LRRTM4: variants seen among roughly 807,000 people sequenced by gnomAD.
LRRTM4 encodes leucine-rich repeat transmembrane neuronal protein 4.
Under a neutral mutation model 47.6 loss-of-function variants are expected in LRRTM4, and 25 were observed. The observed-to-expected ratio is 0.53, with a 90% CI of 0.38 to 0.73. The LOEUF is 0.73. Ranked by LOEUF, LRRTM4 falls within the 30% of genes least tolerant of loss-of-function variation. The pLI, the probability that LRRTM4 is intolerant of heterozygous loss-of-function variation, is 0.00. For synonymous variants in LRRTM4, 311 were observed against 269.5 expected, an observed-to-expected ratio of 1.15 and a Z score of -1.51; for missense variants, 638 against 713.4, an observed-to-expected ratio of 0.89 and a Z score of 1.20.
chr2:76,977,849 T>G (rs1156906125), intron 3 of LRRTM4, among the ~76,000 whole-genome samples: 1 of 152,020 alleles, frequency 6.6e-6, no homozygotes, highest in Non-Finnish European at 1.5e-5. Flanking sequence ...CAAATACGGA[T>G]TAGGGCATAA....
intron 3 of LRRTM4, among the ~76,000 whole-genome samples, chr2:76,866,434 C>T (rs1018974115): frequency 1.4e-4 from 22 of 152,068 alleles, no homozygotes; most frequent in African/African-American, 5.1e-4. Context: ...CCTTATGACT[C>T]GGCAAGGAGC....
intron 3 of LRRTM4, among the ~76,000 whole-genome samples, chr2:76,954,115 A>G (rs543908518): frequency 2.6e-4 from 40 of 151,910 alleles, no homozygotes; most frequent in African/African-American, 8.4e-4. Flanking sequence ...GTCCATAAAG[A>G]CTCAGAGAGG....
chr2:76,996,376 G>A (rs1431972664), intron 3 of LRRTM4, among the ~76,000 whole-genome samples: 1 of 152,046 alleles, frequency 6.6e-6, no homozygotes, highest in Non-Finnish European at 1.5e-5. Context: ...GTGTCAATCT[G>A]CATAATTTTG....
intron 3 of LRRTM4, among the ~76,000 whole-genome samples, chr2:76,950,773 A>G (rs113644480): frequency 2.0e-5 from 3 of 152,030 alleles, no homozygotes; most frequent in African/African-American, 7.2e-5. Flanking sequence ...CAGATACTCA[A>G]GAGCAGTTGT....
chr2:76,896,454 A>C (rs1573273637), intron 3 of LRRTM4, among the ~76,000 whole-genome samples: 1 of 152,004 alleles, frequency 6.6e-6, no homozygotes, highest in Non-Finnish European at 1.5e-5. Context: ...ATTTTGTCCT[A>C]TTCTATGAAA....
intron 3 of LRRTM4, among the ~76,000 whole-genome samples, chr2:77,105,013 G>A (rs1296988185): frequency 2.6e-5 from 4 of 151,464 alleles, no homozygotes; most frequent in Non-Finnish European, 5.9e-5. Context: ...CCCCAATAAC[G>A]TTTGAGAATT....
At chr2:77,481,283 C>A (rs552303627) in intron 3 of LRRTM4, among the ~76,000 whole-genome samples, 2 of 152,248 alleles carry the variant, frequency 1.3e-5, no homozygotes, top group South Asian at 4.1e-4. Flanking sequence ...GAAACTGAGG[C>A]TCAGCAAGTA....
intron 3 of LRRTM4, among the ~76,000 whole-genome samples, chr2:76,910,435 A>G (rs1315129169): frequency 6.6e-6 from 1 of 152,152 alleles, no homozygotes; most frequent in Non-Finnish European, 1.5e-5. Context: ...AGCATGGCAC[A>G]TGTATACATA....
intron 3 of LRRTM4, among the ~76,000 whole-genome samples, chr2:77,054,970 C>CT (rs1447840089): frequency 6.6e-6 from 1 of 152,216 alleles, no homozygotes; most frequent in Non-Finnish European, 1.5e-5. Context: ...TCACTTGCTT[C>CT]TCTCAGGGCA....
chr2:76,953,997 A>C (rs1675582859), intron 3 of LRRTM4, among the ~76,000 whole-genome samples: 1 of 151,798 alleles, frequency 6.6e-6, no homozygotes, highest in African/African-American at 2.4e-5. Flanking sequence ...TCAACAGAGA[A>C]ACTACGTGCA....
At chr2:77,217,440 A>AATATATAT (rs34070418) in intron 3 of LRRTM4, among the ~76,000 whole-genome samples, 2,193 of 76,764 alleles carry the variant, frequency 0.029, 149 homozygotes, top group African/African-American at 0.047. Flanking sequence ...CTCCAAATGA[A>AATATATAT]ATATATATAT....
rs35050409 is a variant in LRRTM4, at chr2:76,953,168, TAA to T, written c.1552-204254_1552-204253del. On this transcript the variant is annotated intron_variant, in intron 3 of 3. Coordinates refer to ENST00000409884, the MANE Select transcript of LRRTM4 (RefSeq NM_001134745.3). ...AAATAAAATTTGAAAAAAAATAAAG[TAA>T]AAAAAAAAATAGTATACCTGGAAAA... Among the ~76,000 whole-genome samples the T allele has an allele frequency of 4.8e-3, 714 of 148,162 alleles. 9 individuals carry two copies. Among genetic ancestry groups the T allele is most frequent in the African/African-American group, 0.017 (686 of 40,764 alleles).
chr2:77,028,790 C>G (rs1338483314), intron 3 of LRRTM4, among the ~76,000 whole-genome samples: 1 of 151,812 alleles, frequency 6.6e-6, no homozygotes, highest in Non-Finnish European at 1.5e-5. Context: ...AATCCCAGCA[C>G]TTTGGGAGGC....
chr2:77,302,248 A>C (rs1166662147), intron 3 of LRRTM4, among the ~76,000 whole-genome samples: 2 of 152,224 alleles, frequency 1.3e-5, no homozygotes, highest in East Asian at 3.8e-4. Context: ...TTGAGCCACA[A>C]CACCATGCAG....
At chr2:76,901,035 T>C (rs1053286591) in intron 3 of LRRTM4, among the ~76,000 whole-genome samples, 1 of 148,916 alleles carries the variant, frequency 6.7e-6, no homozygotes, top group African/African-American at 2.6e-5. Context: ...AGAAAAATTG[T>C]TTTTTTAATT....
chr2:76,975,359 A>G (rs773701987), intron 3 of LRRTM4, among the ~76,000 whole-genome samples: 1 of 151,724 alleles, frequency 6.6e-6, no homozygotes, highest in Non-Finnish European at 1.5e-5. Flanking sequence ...ACAAAATCTT[A>G]CAGGAATAAA....
intron 3 of LRRTM4, among the ~76,000 whole-genome samples, chr2:76,910,642 G>A (rs934357937): frequency 5.3e-5 from 8 of 151,924 alleles, no homozygotes; most frequent in Non-Finnish European, 8.8e-5. Flanking sequence ...TTTTATTCAC[G>A]ACCATAAATA....
intron 3 of LRRTM4, among the ~76,000 whole-genome samples, chr2:77,019,541 G>C (rs1678193358): frequency 1.3e-5 from 2 of 152,050 alleles, no homozygotes; most frequent in Admixed American, 1.3e-4. Context: ...AAGATACAAT[G>C]AGGAAATAAA....
At chr2:77,076,844 A>G (rs1219094745) in intron 3 of LRRTM4, among the ~76,000 whole-genome samples, 1 of 152,186 alleles carries the variant, frequency 6.6e-6, no homozygotes, top group Non-Finnish European at 1.5e-5. Flanking sequence ...TGTGAGTGCT[A>G]CATTATTACT....
Sources: allele counts gnomAD v4.1 joint callset (sites outside exome capture counted in the v4.1 genomes callset), GRCh38; gene constraint gnomAD v4.1.1; transcripts MANE v1.5; gene names NCBI Gene and HGNC (gene_info 2026-07-23, HGNC 2026-07-21).